NALCN: variants seen among roughly 807,000 people sequenced by gnomAD.
NALCN encodes the protein sodium leak channel, non-selective, also known as sodium leak channel NALCN.
A neutral mutation model predicts 225.3 loss-of-function variants in NALCN; 111 were observed. That is an observed-to-expected ratio of 0.49 (90% CI 0.42 to 0.58). The LOEUF is 0.58. Ranked by LOEUF, NALCN falls within the 20% of genes least tolerant of loss-of-function variation. NALCN has a pLI of 0.00. For synonymous variants in NALCN, 764 were observed against 769.0 expected (o/e 0.99, Z 0.11); for missense variants, 1,378 against 2,202.4 (o/e 0.63, Z 7.49).
intron 41 of NALCN, among the ~76,000 whole-genome samples, chr13:101,060,275 G>GTTTTTTTTC (rs2031763368): frequency 5.0e-5 from 4 of 79,854 alleles, no homozygotes; most frequent in Non-Finnish European, 9.2e-5. Flanking sequence ...GGTGTTTTCT[G>GTTTTTTTTC]TTTTTTTTTT....
At chr13:101,327,214 T>A (rs1156476517) in intron 7 of NALCN, among the ~76,000 whole-genome samples, 2 of 152,186 alleles carry the variant, frequency 1.3e-5, no homozygotes, top group African/African-American at 4.8e-5. Context: ...ATTTAAACAT[T>A]AAAAGTGCTA....
At chr13:101,345,566 T>C (rs1418889630) in intron 6 of NALCN, 146 bp from the exon 7 acceptor site, 8 of 911,428 alleles carry the variant, frequency 8.8e-6, no homozygotes, top group African/African-American at 1.7e-5. Flanking sequence ...TTGGGAGGCA[T>C]AGGCAGGAGA....
chr13:101,380,608 T>C (rs1250548478), intron 3 of NALCN, among the ~76,000 whole-genome samples: 1 of 152,082 alleles, frequency 6.6e-6, no homozygotes, highest in East Asian at 1.9e-4. Context: ...AGAAATAAAA[T>C]GTCAAGATTT....
chr13:101,215,123 A>T (rs1171736854), intron 13 of NALCN, among the ~76,000 whole-genome samples: 1 of 152,144 alleles, frequency 6.6e-6, no homozygotes, highest in African/African-American at 2.4e-5. Context: ...CTGAGTGGTA[A>T]AGTAGAGAAT....
rs775695231 is a variant in NALCN at position 101,389,613 on chromosome 13, A to G, written c.291+5570T>C. Among the ~76,000 whole-genome samples, 78 of 152,158 alleles carry G rather than the reference A, an allele frequency of 5.1e-4. 1 individual carries two copies. The highest frequency in any genetic ancestry group is 7.5e-4 in the Non-Finnish European group (51 of 68,032). Reference sequence around the variant, plus strand: ...GACGGTCGGTACACAGAAAAGCTCCATGTTTACCCATCAGGATAACAACAG... The same window carrying G: ...GACGGTCGGTACACAGAAAAGCTCCGTGTTTACCCATCAGGATAACAACAG... On this transcript the variant is annotated intron_variant, in intron 3 of 43. Transcript: ENST00000251127.
At chr13:101,211,327 T>C (rs1412029217) in intron 13 of NALCN, among the ~76,000 whole-genome samples, 1 of 152,122 alleles carries the variant, frequency 6.6e-6, no homozygotes, top group African/African-American at 2.4e-5. Context: ...AGGTTCTCCC[T>C]GAAAGAGTAC....
chr13:101,321,781 T>C (rs1336872169), intron 7 of NALCN, among the ~76,000 whole-genome samples: 1 of 152,144 alleles, frequency 6.6e-6, no homozygotes, highest in Non-Finnish European at 1.5e-5. Flanking sequence ...CATATGTATA[T>C]ACCCATATGA....
chr13:101,398,897 C>A, intron 2 of NALCN, 122 bp downstream of exon 2: 1 of 627,900 alleles, frequency 1.6e-6, no homozygotes, highest in East Asian at 2.9e-5. Context: ...AGACTCTGAA[C>A]CTCATCCATA....
chr13:101,076,360 G>C (rs1006108826), intron 34 of NALCN, among the ~76,000 whole-genome samples: 3 of 152,178 alleles, frequency 2.0e-5, no homozygotes, highest in African/African-American at 7.2e-5. Context: ...AGACACCACT[G>C]AAGAACAAAC....
intron 2 of NALCN, among the ~76,000 whole-genome samples, chr13:101,397,674 TA>T (rs1402203548): frequency 2.0e-5 from 3 of 151,386 alleles, no homozygotes; most frequent in Admixed American, 6.6e-5. Flanking sequence ...CCTAAGACAA[TA>T]GATCCATAAA....
At chr13:101,272,686 G>A (rs531777136) in intron 10 of NALCN, among the ~76,000 whole-genome samples, 2 of 152,296 alleles carry the variant, frequency 1.3e-5, no homozygotes, top group Admixed American at 1.3e-4. Context: ...TAATGGGTTG[G>A]TTTGGAGGTT....
intron 41 of NALCN, among the ~76,000 whole-genome samples, chr13:101,060,589 C>A (rs1414196415): frequency 6.6e-6 from 1 of 151,626 alleles, no homozygotes; most frequent in East Asian, 1.9e-4. Context: ...CTGTGCCCAG[C>A]TTATGTCTTA....
At chr13:101,271,366 C>A (rs1319694720) in intron 10 of NALCN, among the ~76,000 whole-genome samples, 1 of 151,886 alleles carries the variant, frequency 6.6e-6, no homozygotes, top group Non-Finnish European at 1.5e-5. Flanking sequence ...AGGATTTATA[C>A]AATTGGCCTC....
At chr13:101,248,117 C>T (rs535405968) in intron 11 of NALCN, among the ~76,000 whole-genome samples, 7 of 152,098 alleles carry the variant, frequency 4.6e-5, no homozygotes, top group East Asian at 3.9e-4. Context: ...AACAGTGCTG[C>T]GATGAACATA....
intron 28 of NALCN, among the ~76,000 whole-genome samples, chr13:101,091,175 G>A (rs962997600): frequency 6.6e-5 from 10 of 152,184 alleles, no homozygotes; most frequent in African/African-American, 2.4e-4. Flanking sequence ...ACCAAACACT[G>A]GAAAATCATG....
intron 10 of NALCN, among the ~76,000 whole-genome samples, chr13:101,270,822 A>C (rs1460152324): frequency 6.6e-6 from 1 of 152,228 alleles, no homozygotes; most frequent in Non-Finnish European, 1.5e-5. Flanking sequence ...GTCTTAAAGA[A>C]GGCTGTGTAT....
intron 6 of NALCN, among the ~76,000 whole-genome samples, chr13:101,374,339 G>A (rs1440915364): frequency 7.4e-5 from 11 of 147,904 alleles, no homozygotes; most frequent in African/African-American, 2.8e-4. Context: ...GCAGTGGCGC[G>A]ATCTCAGCTC....
At chr13:101,375,120 C>A (rs1008834154) in intron 6 of NALCN, among the ~76,000 whole-genome samples, 12 of 151,874 alleles carry the variant, frequency 7.9e-5, no homozygotes. Flanking sequence ...TTTTTTTTAA[C>A]CATGTTATCT....
rs10560892 is a variant in NALCN at position 101,345,737 on chromosome 13, A to AATATATATAT, written c.645-327_645-318dup. Among the ~76,000 whole-genome samples, 548 of 86,590 alleles carry AATATATATAT rather than the reference A, an allele frequency of 6.3e-3. 5 individuals carry two copies. Among genetic ancestry groups the AATATATATAT allele is most frequent in the Non-Finnish European group, 7.2e-3 (341 of 47,084 alleles). 56.8% of individuals were successfully genotyped at this position (86,590 alleles called of 152,430 possible). On this transcript the variant is annotated intron_variant, in intron 6 of 43. Coordinates refer to ENST00000251127, the MANE Select transcript of NALCN (RefSeq NM_052867.4). Reference sequence around the variant, plus strand: ...ATCTATCTAAGAGTACAGCAAAGAGAATATATATATATATATATATATATA... The same window carrying AATATATATAT: ...ATCTATCTAAGAGTACAGCAAAGAGAATATATATATATATATATATATATATATATATATA...
Sources: gnomAD v4.1 joint callset for allele counts (sites outside exome capture counted in the v4.1 genomes callset) on GRCh38, gnomAD v4.1.1 for gene constraint, MANE v1.5 for transcripts, NCBI Gene and HGNC (gene_info 2026-07-23, HGNC 2026-07-21) for gene names.